CCDC125: variants seen among roughly 807,000 people sequenced by gnomAD.
CCDC125 encodes the protein coiled-coil domain containing 125.
Under a neutral mutation model 57.4 loss-of-function variants are expected in CCDC125, and 43 were observed. That is an observed-to-expected ratio of 0.75 (90% CI 0.59 to 0.97). The LOEUF (loss-of-function observed/expected upper bound fraction) is 0.97. Among genes scored for constraint, CCDC125 ranks in the 50% least tolerant of loss-of-function variants. CCDC125 has a pLI of 0.00. For missense variants in CCDC125, 563 were observed against 595.7 expected (o/e 0.95, Z 0.57); for synonymous variants, 187 against 195.2 (o/e 0.96, Z 0.35).
chr5:69,324,496 T>G (rs1034205258), intron 1 of CCDC125, among the ~76,000 whole-genome samples: 4 of 152,218 alleles, frequency 2.6e-5, no homozygotes. Flanking sequence ...CAGAACCCCA[T>G]GTCCGTACAA....
rs763968029 is a variant in CCDC125, at chr5:69,300,142, A to T, written c.701-15T>A. ...TTGATTCAAAACTAGGAAGGGCCAT[A>T]TGAGAAAGTATTCATTATGAAGCCT... On this transcript the variant is annotated splice_polypyrimidine_tract_variant and intron_variant, in intron 7 of 11. Transcript: ENST00000396496. The T allele has an allele frequency of 1.6e-5, 25 of 1,570,182 alleles. No homozygotes were observed. The highest frequency in any genetic ancestry group is 2.1e-5 in the Non-Finnish European group (24 of 1,140,014).
downstream of CCDC125, chr5:69,277,508 G>C (rs1212113488): frequency 6.3e-6 from 1 of 159,424 alleles, no homozygotes; most frequent in Non-Finnish European, 1.4e-5. Flanking sequence ...GGTGGCTCAC[G>C]CCTGTATTCC....
downstream of CCDC125, chr5:69,276,514 CT>C (rs1752156001): frequency 6.2e-7 from 1 of 1,606,828 alleles, no homozygotes; most frequent in African/African-American, 1.3e-5. Context: ...ACTCACCTAC[CT>C]TACTTTTGGT....
chr5:69,308,188 G>A, intron 4 of CCDC125, 160 bp from the exon 5 acceptor site: 1 of 613,146 alleles, frequency 1.6e-6, no homozygotes, highest in Non-Finnish European at 2.9e-6. Flanking sequence ...TAGTTCAAAA[G>A]TCAGGAGATC....
intron 4 of CCDC125, 168 bp from the exon 5 acceptor site, chr5:69,308,196 A>C (rs1218782869): frequency 1.6e-6 from 1 of 607,112 alleles, no homozygotes; most frequent in Non-Finnish European, 2.9e-6. Context: ...AAGTCAGGAG[A>C]TCTTGGTTTG....
chr5:69,325,253 G>A (rs1184700739), intron 1 of CCDC125, among the ~76,000 whole-genome samples: 1 of 149,788 alleles, frequency 6.7e-6, no homozygotes, highest in Non-Finnish European at 1.5e-5. Context: ...TTGAACCCGG[G>A]AGGCAGGGGT....
At chr5:69,327,506 A>G (rs755325903) in intron 1 of CCDC125, among the ~76,000 whole-genome samples, 2 of 152,218 alleles carry the variant, frequency 1.3e-5, no homozygotes, top group African/African-American at 4.8e-5. Context: ...TGAAGTCACT[A>G]AACTATCCAA....
chr5:69,331,565 T>G (rs951850762), intron 1 of CCDC125, among the ~76,000 whole-genome samples: 8 of 152,132 alleles, frequency 5.3e-5, no homozygotes, highest in Non-Finnish European at 1.2e-4. Context: ...ATAAAAATAA[T>G]GTATCCAACT....
chr5:69,302,767 T>A (rs1756696152), intron 7 of CCDC125, among the ~76,000 whole-genome samples: 1 of 151,952 alleles, frequency 6.6e-6, no homozygotes, highest in South Asian at 2.1e-4. Context: ...TATCCTTGCA[T>A]CAACTTTCAT....
In CCDC125 at chr5:69,328,399, A is replaced by C. The variant is rs538485581; in HGVS notation, c.-41+4250T>G. On this transcript the variant is annotated intron_variant, in intron 1 of 11. Transcript: ENST00000396496. ...TATGTAATTAAACAAAATTAATTAA[A>C]TAAGTATTAGAGTTATAGTGTATTT... 2.6e-5 allele frequency among the ~76,000 whole-genome samples: 4 copies of C among 152,260 alleles called. No individual in the cohort carries two copies. The South Asian group carries it at 8.3e-4, about 32-fold the overall frequency.
At chr5:69,273,673 C>G in the CCDC125 span, among the ~76,000 whole-genome samples, 1 of 152,154 alleles carries the variant, frequency 6.6e-6, no homozygotes, top group African/African-American at 2.4e-5. Flanking sequence ...CTGTACAACA[C>G]AGTGCAGTGA....
At chr5:69,277,835 G>A (rs1037623519), downstream of CCDC125, among the ~76,000 whole-genome samples, 4 of 151,588 alleles carry the variant, frequency 2.6e-5, no homozygotes, top group South Asian at 2.1e-4. Flanking sequence ...ATTAATATAC[G>A]GAATGTACTA....
At chr5:69,277,973 C>G (rs977983581), downstream of CCDC125, among the ~76,000 whole-genome samples, 4 of 152,132 alleles carry the variant, frequency 2.6e-5, no homozygotes, top group African/African-American at 9.7e-5. Flanking sequence ...GCAAACTCTG[C>G]CTTCAAGTGA....
chr5:69,294,888 C>T lies in CCDC125; in HGVS notation c.829G>A (p.Gly277Arg), dbSNP rs993576891. Residue 277 changes from glycine to arginine, a missense_variant, in exon 9 of 12, where the codon GGA becomes AGA. Gly to Arg is a moderately radical substitution (Grantham distance 125). Coordinates refer to ENST00000396496, the MANE Select transcript of CCDC125 (RefSeq NM_176816.5). ...CCGGGCCCATGACAAAGGCAGGCTCCGAGGACCGCAAGCTTTAAATTGAAA... is the reference window on the plus strand; with the variant it reads ...CCGGGCCCATGACAAAGGCAGGCTCTGAGGACCGCAAGCTTTAAATTGAAA... ...EASGLELAVL[G>R]ACLCHGPGGN... 5.6e-6 allele frequency: 9 copies of T among 1,613,264 alleles called. No homozygotes were observed. The African/African-American group carries it at 6.7e-5, about 12-fold the overall frequency.
chr5:69,280,547 TTCTC>T lies in CCDC125; in HGVS notation c.*2178_*2181del, dbSNP rs545528806. Reference sequence around the variant, plus strand: ...ACCCTTACGAGCAGCCGGCCCTGAATTCTCTCTCTCAGGTGTACTGTCTGTTCTG... The same window carrying T: ...ACCCTTACGAGCAGCCGGCCCTGAATTCTCTCAGGTGTACTGTCTGTTCTG... On this transcript the variant is annotated 3_prime_UTR_variant, in exon 12 of 12. Transcript: ENST00000396496. The T allele has an allele frequency of 1.3e-5, 2 of 152,166 alleles. No homozygotes were observed. The highest frequency in any genetic ancestry group is 2.9e-5 in the Non-Finnish European group (2 of 68,026). 9.4% of individuals were successfully genotyped at this position (152,166 alleles called of 1,614,324 possible).
intron 3 of CCDC125, chr5:69,313,271 T>G: frequency 3.6e-6 from 2 of 560,850 alleles, no homozygotes; most frequent in Non-Finnish European, 6.5e-6. Flanking sequence ...CCTGCTGGGA[T>G]TCCCCCAGCC....
intron 4 of CCDC125, chr5:69,308,375 G>A (rs1757659852): frequency 3.5e-6 from 1 of 285,606 alleles, no homozygotes; most frequent in Non-Finnish European, 6.8e-6. Context: ...ACCACATGTT[G>A]TGAGAGGACC....
At chr5:69,279,178 T>C (rs1352882389), downstream of CCDC125, among the ~76,000 whole-genome samples, 1 of 147,502 alleles carries the variant, frequency 6.8e-6, no homozygotes, top group Non-Finnish European at 1.5e-5. Flanking sequence ...AAGAATCTGC[T>C]ACCAAGCTCA....
intron 6 of CCDC125, among the ~76,000 whole-genome samples, chr5:69,305,911 G>T (rs768203432): frequency 2.6e-5 from 4 of 152,056 alleles, no homozygotes; most frequent in Non-Finnish European, 5.9e-5. Flanking sequence ...AGGGATTGGG[G>T]CCACGATAGG....
Sources: gnomAD v4.1 joint callset for allele counts (sites outside exome capture counted in the v4.1 genomes callset) on GRCh38, gnomAD v4.1.1 for gene constraint, MANE v1.5 for transcripts, NCBI Gene and HGNC (gene_info 2026-07-23, HGNC 2026-07-21) for gene names.